The following ICAM1 variants were observed in gnomAD, a reference collection of about 807,000 sequenced individuals.
ICAM1 encodes intercellular adhesion molecule 1.
ICAM1 carries 28 observed loss-of-function variants against 42.3 expected under a neutral mutation model. The ratio of observed to expected loss-of-function variants is 0.66; its 90% confidence interval spans 0.49 to 0.91. The LOEUF is 0.91. Among genes scored for constraint, ICAM1 ranks in the 40% least tolerant of loss-of-function variants. ICAM1 has a pLI of 0.00. For synonymous variants in ICAM1, 304 were observed against 305.9 expected, an observed-to-expected ratio of 0.99 and a Z score of 0.07; for missense variants, 637 against 688.6, an observed-to-expected ratio of 0.93 and a Z score of 0.84.
chr19:10,274,101 T>C (rs2040001005), intron 1 of ICAM1, among the ~76,000 whole-genome samples: 2 of 152,126 alleles, frequency 1.3e-5, no homozygotes, highest in South Asian at 4.2e-4. Context: ...CTCTTCATCC[T>C]TGCTCACTCA....
chr19:10,274,053 C>T (rs1332647483), intron 1 of ICAM1, among the ~76,000 whole-genome samples: 1 of 152,032 alleles, frequency 6.6e-6, no homozygotes, highest in African/African-American at 2.4e-5. Context: ...TTAGCATGGC[C>T]TTCAGTGCTC....
chr19:10,278,835 C>T (rs916401527), intron 2 of ICAM1, among the ~76,000 whole-genome samples: 10 of 152,124 alleles, frequency 6.6e-5, no homozygotes, highest in East Asian at 1.9e-4. Flanking sequence ...AGCCACCACG[C>T]GCGGCTCTGC....
Position 10,278,850 on chromosome 19 carries a change from T to G in ICAM1, c.331+3822T>G, listed in dbSNP as rs187058133. On this transcript the variant is annotated intron_variant, in intron 2 of 6. Transcript: ENST00000264832. ...AGCCACCACGCGCGGCTCTGCCTGA[T>G]AGCTGAGAGCATAGAACTCCAGGTT... is the stretch of plus-strand genomic sequence containing the variant. Among the ~76,000 whole-genome samples the G allele has an allele frequency of 1.7e-4, 26 of 152,134 alleles. No individual in the cohort carries two copies. In the East Asian group the frequency reaches 4.1e-3, roughly 24 times the overall value.
chr19:10,282,071 C>CTTT lies in ICAM1; in HGVS notation c.332-1398_332-1396dup, dbSNP rs35660845. Among the ~76,000 whole-genome samples, 1,029 of 144,766 alleles carry CTTT rather than the reference C, an allele frequency of 7.1e-3. 18 individuals are homozygous for CTTT. Among genetic ancestry groups the CTTT allele is most frequent in the East Asian group, 0.054 (270 of 4,966 alleles). 95.0% of individuals were successfully genotyped at this position (144,766 alleles called of 152,430 possible). A position where few individuals can be genotyped will look rare whatever the true frequency, so the allele number is the denominator to read the frequency against. On this transcript the variant is annotated intron_variant, in intron 2 of 6. Coordinates refer to ENST00000264832, the MANE Select transcript of ICAM1 (RefSeq NM_000201.3). ...TGTTATTAGACTCTGTCATTACTGACTTTTTTTTTTTTTTAATAGAAACAG... is the reference window on the plus strand; with the variant it reads ...TGTTATTAGACTCTGTCATTACTGACTTTTTTTTTTTTTTTTTAATAGAAACAG...
Position 10,274,815 on chromosome 19 carries a change from C to T in ICAM1, c.118C>T (p.Arg40Trp), listed in dbSNP as rs747111380. 161 of 1,614,192 alleles carry T rather than the reference C, an allele frequency of 1.0e-4. 1 individual carries two copies. The Admixed American group carries it at 2.1e-3, about 21-fold the overall frequency. Residue 40 changes from arginine (R) to tryptophan (W), a missense_variant, in exon 2 of 7, where the codon CGG becomes TGG. Arg to Trp is a moderately radical substitution (Grantham distance 101). Coordinates refer to ENST00000264832, the MANE Select transcript of ICAM1 (RefSeq NM_000201.3). ...GTCCCCCTCAAAAGTCATCCTGCCC[C>T]GGGGAGGCTCCGTGCTGGTGACATG... ...SVSPSKVILP[R>W]GGSVLVTCST...
In ICAM1 at chr19:10,271,185, C is replaced by G; in HGVS notation, c.26C>G (p.Ala9Gly). 1 of 1,613,280 alleles carries G rather than the reference C, an allele frequency of 6.2e-7. No individual in the cohort carries two copies. The highest frequency in any genetic ancestry group is 8.5e-7 in the Non-Finnish European group (1 of 1,179,828). MAPSSPRP[A>G]LPALLVLLGA... is the part of the protein sequence containing the mutation. Reference sequence around the variant, plus strand: ...ATGGCTCCCAGCAGCCCCCGGCCCGCGCTGCCCGCACTCCTGGTCCTGCTC... The same window carrying G: ...ATGGCTCCCAGCAGCCCCCGGCCCGGGCTGCCCGCACTCCTGGTCCTGCTC... Residue 9 changes from alanine (A) to glycine (G), a missense_variant, in exon 1 of 7, where the codon GCG becomes GGG. Coordinates refer to ENST00000264832, the MANE Select transcript of ICAM1 (RefSeq NM_000201.3).
intron 1 of ICAM1, among the ~76,000 whole-genome samples, chr19:10,274,249 C>T (rs1391569355): frequency 1.3e-5 from 2 of 152,016 alleles, no homozygotes; most frequent in Non-Finnish European, 2.9e-5. Flanking sequence ...TATTCTATCA[C>T]CCTGTTTTGT....
At chr19:10,281,911 T>C (rs769770163) in intron 2 of ICAM1, among the ~76,000 whole-genome samples, 17 of 151,982 alleles carry the variant, frequency 1.1e-4, no homozygotes, top group Non-Finnish European at 2.4e-4. Flanking sequence ...TGGCTAATTT[T>C]TGTATTTTTA....
chr19:10,271,856 G>T (rs763491551), intron 1 of ICAM1, among the ~76,000 whole-genome samples: 2 of 152,014 alleles, frequency 1.3e-5, no homozygotes, highest in African/African-American at 2.4e-5. Flanking sequence ...GCTGAGAAGT[G>T]GGACGCCCCA....
intron 1 of ICAM1, among the ~76,000 whole-genome samples, chr19:10,272,987 G>A (rs947950073): frequency 1.3e-5 from 2 of 152,146 alleles, no homozygotes; most frequent in African/African-American, 4.8e-5. Context: ...GTGTCTCAGG[G>A]AGTGAGGAGC....
Position 10,284,466 on chromosome 19 carries a change from T to A in ICAM1, c.989T>A (p.Val330Glu). 6.2e-7 allele frequency: 1 copy of A among 1,613,716 alleles called. No individual in the cohort carries two copies. The highest frequency in any genetic ancestry group is 8.5e-7 in the Non-Finnish European group (1 of 1,179,938). ...PEVSEGTEVT[V>E]KCEAHPRAKV... is the part of the protein sequence containing the mutation. ...GTCTCAGAAGGGACCGAGGTGACAG[T>A]GAAGTGTGAGGCCCACCCTAGAGCC... Residue 330 changes from valine to glutamate, a missense_variant, in exon 5 of 7, where the codon GTG becomes GAG. By Grantham distance (121) the Val-to-Glu change is moderately radical. Coordinates refer to ENST00000264832, the MANE Select transcript of ICAM1 (RefSeq NM_000201.3). The surrounding 1 kb of genome is among the most constrained non-coding windows in gnomAD (Gnocchi z 5.4).
intron 2 of ICAM1, among the ~76,000 whole-genome samples, chr19:10,277,851 C>T (rs1328163795): frequency 6.6e-6 from 1 of 151,930 alleles, no homozygotes; most frequent in East Asian, 1.9e-4. Flanking sequence ...TTATCAAGGC[C>T]AAAATAAGGA....
Position 10,285,012 on chromosome 19 carries a change from G to T in ICAM1, c.1410G>T (p.Val470=). The T allele has an allele frequency of 1.2e-6, 2 of 1,613,680 alleles. No individual in the cohort carries two copies. Among genetic ancestry groups the T allele is most frequent in the South Asian group, 2.2e-5 (2 of 90,994 alleles). ...CTCAAGGGGAGGTCACCCGCAAGGTGACCGTGAATGTGCTCTGTGAGTGAG... is the reference window on the plus strand; with the variant it reads ...CTCAAGGGGAGGTCACCCGCAAGGTTACCGTGAATGTGCTCTGTGAGTGAG... ...RSTQGEVTRK[V]TVNVLSPRYE... Residue 470 remains valine, a synonymous_variant, in exon 6 of 7, where the codon GTG becomes GTT. Coordinates refer to ENST00000264832, the MANE Select transcript of ICAM1 (RefSeq NM_000201.3).
Position 10,286,532 on chromosome 19 carries a change from A to AT in ICAM1, c.*1259dup, listed in dbSNP as rs769960199. 0.023 allele frequency: 3,391 copies of AT among 147,072 alleles called. 41 individuals carry two copies. Among genetic ancestry groups the AT allele is most frequent in the Non-Finnish European group, 0.033 (2,211 of 67,774 alleles). The allele number at this position is 147,072 out of a possible 1,614,324, so 9.1% of individuals were successfully genotyped here. A position where few individuals can be genotyped will look rare whatever the true frequency, so the allele number is the denominator to read the frequency against. On this transcript the variant is annotated 3_prime_UTR_variant, in exon 7 of 7. Transcript: ENST00000264832. ...CACAACACCACACCTGGCAAATTTGATTTTTTTTTTTTTTCCAGAGACGGG... is the reference window on the plus strand; with the variant it reads ...CACAACACCACACCTGGCAAATTTGATTTTTTTTTTTTTTTCCAGAGACGGG...
intron 2 of ICAM1, among the ~76,000 whole-genome samples, chr19:10,282,748 T>C (rs1485680248): frequency 2.0e-5 from 3 of 151,928 alleles, no homozygotes; most frequent in Non-Finnish European, 4.4e-5. Flanking sequence ...CTCATTTACT[T>C]TCACCTGTAA....
rs181563357 is a variant in ICAM1, at chr19:10,284,639, C to T, written c.1162C>T (p.Arg388Trp). 175 of 1,614,104 alleles carry T rather than the reference C, an allele frequency of 1.1e-4. No homozygotes were observed. The highest frequency in any genetic ancestry group is 4.9e-4 in the Middle Eastern group (3 of 6,062). ...CCAGCTTATACACAAGAACCAGACC[C>T]GGGAGCTTCGTGTCCTGTGTGAGTG... ...AGQLIHKNQT[R>W]ELRVLYGPRL... Residue 388 changes from arginine to tryptophan, a missense_variant, in exon 5 of 7, where the codon CGG becomes TGG. By Grantham distance (101) the Arg-to-Trp change is moderately radical (BLOSUM62 -3). Transcript: ENST00000264832. The surrounding 1 kb of genome is among the most constrained non-coding windows in gnomAD (Gnocchi z 5.4).
In ICAM1 at chr19:10,285,116, C is replaced by T; in HGVS notation, c.1428C>T (p.Ser476=). ...CCGCCTGTTGTATCCTCCCCACAGC[C>T]CCCCGGTATGAGATTGTCATCATCA... ...VTRKVTVNVL[S]PRYEIVIITV... The change falls in exon 7 of 7, where the codon TCC becomes TCT. Residue 476 remains serine (S), a splice_region_variant and synonymous_variant. Transcript: ENST00000264832. 6.2e-7 allele frequency: 1 copy of T among 1,614,106 alleles called. No homozygotes were observed. The highest frequency in any genetic ancestry group is 1.3e-5 in the African/African-American group (1 of 75,040).
intron 2 of ICAM1, among the ~76,000 whole-genome samples, chr19:10,278,644 C>T (rs1204073676): frequency 7.3e-6 from 1 of 137,784 alleles, no homozygotes; most frequent in Non-Finnish European, 1.5e-5. Flanking sequence ...CGGGTTCAAG[C>T]AGTTCTCCTG....
intron 1 of ICAM1, among the ~76,000 whole-genome samples, chr19:10,272,790 C>T (rs2039991655): frequency 6.6e-6 from 1 of 152,012 alleles, no homozygotes; most frequent in Non-Finnish European, 1.5e-5. Context: ...CCCACCCTGC[C>T]TCCCAAAGTG....
Sources: allele counts gnomAD v4.1 joint callset (sites outside exome capture counted in the v4.1 genomes callset), GRCh38; gene constraint gnomAD v4.1.1; non-coding constraint Gnocchi (gnomAD v3.1); transcripts MANE v1.5; gene names NCBI Gene and HGNC (gene_info 2026-07-23, HGNC 2026-07-21).